The following CEP170 variants were observed in gnomAD, a reference collection of about 807,000 sequenced individuals.
The protein encoded by CEP170 is centrosomal protein 170.
CEP170 carries 21 observed loss-of-function variants against 151.9 expected under a neutral mutation model. That is an observed-to-expected ratio of 0.14 (90% CI 0.10 to 0.20). CEP170 has a LOEUF of 0.20. Among genes scored for constraint, CEP170 ranks in the 10% least tolerant of loss-of-function variants. The pLI, the probability that CEP170 is intolerant of heterozygous loss-of-function variation, is 1.00. For synonymous variants in CEP170, 356 were observed against 648.8 expected, an observed-to-expected ratio of 0.55 and a Z score of 6.86; for missense variants, 964 against 1,892.9, an observed-to-expected ratio of 0.51 and a Z score of 9.11.
intron 8 of CEP170, among the ~76,000 whole-genome samples, chr1:243,189,988 A>G (rs1411847499): frequency 6.6e-6 from 1 of 152,162 alleles, no homozygotes; most frequent in Non-Finnish European, 1.5e-5. Context: ...CTGTCCGGAA[A>G]TGTCTTAGAA....
chr1:243,166,696 G>C (rs1430933060), intron 12 of CEP170: 1 of 152,190 alleles, frequency 6.6e-6, no homozygotes, highest in Non-Finnish European at 1.5e-5. Context: ...AATTGTATGA[G>C]ATGAAAATTA....
chr1:243,206,685 A>C (rs1318475731), intron 4 of CEP170, among the ~76,000 whole-genome samples: 3 of 152,244 alleles, frequency 2.0e-5, no homozygotes. Context: ...TTAAGATTTT[A>C]AAAATTATTT....
intron 1 of CEP170, among the ~76,000 whole-genome samples, chr1:243,237,609 G>A (rs1272219964): frequency 6.6e-6 from 1 of 152,140 alleles, no homozygotes. Context: ...AATTGAGATA[G>A]TATCACTATA....
chr1:243,239,975 GC>G (rs1399348789), intron 1 of CEP170, among the ~76,000 whole-genome samples: 5 of 152,262 alleles, frequency 3.3e-5, no homozygotes, highest in African/African-American at 1.2e-4. Flanking sequence ...TAGGCCAATA[GC>G]CATACTAGAA....
At chr1:243,174,404 C>A (rs1312209170) in intron 10 of CEP170, among the ~76,000 whole-genome samples, 1 of 150,788 alleles carries the variant, frequency 6.6e-6, no homozygotes, top group African/African-American at 2.4e-5. Context: ...AACCAGAGAG[C>A]CTTCATTTTC....
Position 243,128,634 on chromosome 1 carries a change from T to C in CEP170, c.4414-334A>G, listed in dbSNP as rs554220803. 5.4e-4 allele frequency: 106 copies of C among 194,496 alleles called. 4 individuals are homozygous for C. The South Asian group carries it at 0.011, about 19-fold the overall frequency. The allele number at this position is 194,496 out of a possible 1,614,324, so 12.0% of individuals were successfully genotyped here. On this transcript the variant is annotated intron_variant, in intron 18 of 19. Transcript: ENST00000366542. Reference sequence around the variant, plus strand: ...CAGACTGGAGTGCAATGGCGCAATCTTGGCTCACTGTAACCTCCTCCTCCC... The same window carrying C: ...CAGACTGGAGTGCAATGGCGCAATCCTGGCTCACTGTAACCTCCTCCTCCC...
At chr1:243,131,721 A>C (rs1419045973) in intron 17 of CEP170, among the ~76,000 whole-genome samples, 1 of 152,168 alleles carries the variant, frequency 6.6e-6, no homozygotes, top group Non-Finnish European at 1.5e-5. Flanking sequence ...TATCAATTTT[A>C]AGCTGAAAAA....
intron 11 of CEP170, among the ~76,000 whole-genome samples, chr1:243,171,569 C>T (rs185614491): frequency 9.2e-5 from 14 of 151,870 alleles, no homozygotes; most frequent in African/African-American, 1.4e-4. Flanking sequence ...AGTCAGAGAA[C>T]GAAAGCTTCC....
chr1:243,247,387 C>T (rs1386400247), intron 1 of CEP170, among the ~76,000 whole-genome samples: 1 of 152,000 alleles, frequency 6.6e-6, no homozygotes, highest in African/African-American at 2.4e-5. Context: ...GGAGTCTCAC[C>T]CTGTTGCCCA....
At chr1:243,174,196 A>G (rs1209795274) in intron 10 of CEP170, among the ~76,000 whole-genome samples, 2 of 151,866 alleles carry the variant, frequency 1.3e-5, no homozygotes, top group Admixed American at 6.6e-5. Context: ...TTCCTGGCAC[A>G]TAATAGGCCC....
chr1:243,210,657 C>T (rs1437705526), intron 4 of CEP170, among the ~76,000 whole-genome samples: 12 of 108,572 alleles, frequency 1.1e-4, no homozygotes, highest in African/African-American at 3.4e-4. Flanking sequence ...TCTCTGTTGC[C>T]AGGCTACAGT....
In CEP170 at chr1:243,185,767, T is replaced by C; in HGVS notation, c.1566+12A>G. ...CAACAACTAAGATCACACTCAAATT[T>C]CAATTATTTACCTTGTCAATCATTT... On this transcript the variant is annotated intron_variant, in intron 10 of 19. Transcript: ENST00000366542. The surrounding 1 kb of genome is among the most constrained non-coding windows in gnomAD (Gnocchi z 4.9). The C allele has an allele frequency of 6.4e-7, 1 of 1,573,018 alleles. No homozygotes were observed. Among genetic ancestry groups the C allele is most frequent in the African/African-American group, 1.4e-5 (1 of 73,808 alleles).
chr1:243,226,675 T>C (rs947062843), intron 1 of CEP170, among the ~76,000 whole-genome samples: 1 of 152,186 alleles, frequency 6.6e-6, no homozygotes, highest in South Asian at 2.1e-4. Flanking sequence ...TTAATGAACT[T>C]TTCACACAAT....
At chr1:243,198,108 T>C (rs1420884141) in intron 7 of CEP170, among the ~76,000 whole-genome samples, 1 of 152,080 alleles carries the variant, frequency 6.6e-6, no homozygotes, top group Non-Finnish European at 1.5e-5. Context: ...TTATCCTTGG[T>C]TCAGAGCCAG....
chr1:243,254,742 A>C (rs2066422828), intron 1 of CEP170, among the ~76,000 whole-genome samples: 1 of 142,734 alleles, frequency 7.0e-6, no homozygotes, highest in African/African-American at 2.6e-5. Flanking sequence ...CGGAGGCGGC[A>C]GCAAGGGGCT....
chr1:243,187,929 T>G (rs1391139992), intron 8 of CEP170, among the ~76,000 whole-genome samples: 1 of 152,156 alleles, frequency 6.6e-6, no homozygotes, highest in African/African-American at 2.4e-5. Flanking sequence ...AAAGTAATAG[T>G]GATTAATACT....
Position 243,226,517 on chromosome 1 carries a change from A to G in CEP170, c.-41-1196T>C, listed in dbSNP as rs180700813. Among the ~76,000 whole-genome samples the G allele has an allele frequency of 6.2e-3, 949 of 152,306 alleles. 2 individuals are homozygous for G. The highest frequency in any genetic ancestry group is 0.02 in the Middle Eastern group (6 of 294). ...AACTATATAAAGAAAACCTGGCTTCATACACATAAACAGGTGGAAAAGGGA... is the reference window on the plus strand; with the variant it reads ...AACTATATAAAGAAAACCTGGCTTCGTACACATAAACAGGTGGAAAAGGGA... On this transcript the variant is annotated intron_variant, in intron 1 of 19. Coordinates refer to ENST00000366542, the MANE Select transcript of CEP170 (RefSeq NM_014812.3).
At chr1:243,140,197 T>C (rs976266061) in intron 15 of CEP170, 90 bp from the exon 16 acceptor site, 52 of 1,513,026 alleles carry the variant, frequency 3.4e-5, no homozygotes, top group Non-Finnish European at 4.4e-5. Context: ...TAGACAGAAG[T>C]TATTCCATTC....
At chr1:243,128,180 G>A in intron 19 of CEP170, 69 bp downstream of exon 19, 1 of 1,333,846 alleles carries the variant, frequency 7.5e-7, no homozygotes. Context: ...AATATTTTAA[G>A]AAATACCACT....
Sources: allele counts gnomAD v4.1 joint callset (sites outside exome capture counted in the v4.1 genomes callset), GRCh38; gene constraint gnomAD v4.1.1; non-coding constraint Gnocchi (gnomAD v3.1); transcripts MANE v1.5; gene names NCBI Gene and HGNC (gene_info 2026-07-23, HGNC 2026-07-21).